GPHN: variants seen among roughly 807,000 people sequenced by gnomAD.
The protein encoded by GPHN is gephyrin.
A neutral mutation model predicts 95.5 loss-of-function variants in GPHN; 17 were observed. The observed-to-expected ratio is 0.18, with a 90% CI of 0.12 to 0.27. The LOEUF (loss-of-function observed/expected upper bound fraction) is 0.27, where lower values mean the gene tolerates loss of function less well. Among genes scored for constraint, GPHN ranks in the 10% least tolerant of loss-of-function variants. The probability of loss-of-function intolerance (pLI) is 1.00; values close to 1 mark genes in which losing one functional copy is unlikely to be tolerated. For synonymous variants in GPHN, 320 were observed against 322.5 expected, an observed-to-expected ratio of 0.99 and a Z score of 0.08; for missense variants, 660 against 978.1, an observed-to-expected ratio of 0.67 and a Z score of 4.34.
the GPHN span, chr14:67,726,108 C>A: frequency 1.9e-6 from 3 of 1,614,022 alleles, no homozygotes; most frequent in Non-Finnish European, 1.7e-6. Context: ...TGTCCATATT[C>A]CAAGACAGCT....
intron 10 of GPHN, among the ~76,000 whole-genome samples, chr14:67,052,108 T>C (rs1052082894): frequency 6.6e-6 from 1 of 152,072 alleles, no homozygotes; most frequent in Non-Finnish European, 1.5e-5. Context: ...TTCACAAATA[T>C]ATTAACCTTA....
chr14:66,980,164 G>C (rs1046785941), intron 9 of GPHN, among the ~76,000 whole-genome samples: 1 of 152,178 alleles, frequency 6.6e-6, no homozygotes, highest in Admixed American at 6.5e-5. Context: ...GAGACAGGAA[G>C]TGAGCACTTG....
chr14:67,619,663 T>C, the GPHN span: 1 of 248,398 alleles, frequency 4.0e-6, no homozygotes, highest in Non-Finnish European at 7.8e-6. Context: ...GTCACCGCGC[T>C]CTTACTGGCC....
chr14:67,247,420 A>G, the GPHN span, among the ~76,000 whole-genome samples: 1 of 151,580 alleles, frequency 6.6e-6, no homozygotes, highest in African/African-American at 2.4e-5. Flanking sequence ...TATTTTAGTA[A>G]TTTTTTTTGG....
intron 4 of GPHN, among the ~76,000 whole-genome samples, chr14:66,838,263 A>G (rs1011493601): frequency 3.9e-5 from 6 of 152,126 alleles, no homozygotes; most frequent in Non-Finnish European, 5.9e-5. Context: ...TAAAAACAAT[A>G]TTTCCTTGCT....
chr14:67,653,620 A>C, the GPHN span: 3 of 787,668 alleles, frequency 3.8e-6, no homozygotes, highest in Non-Finnish European at 6.1e-6. Flanking sequence ...AAATCAAGCC[A>C]ATTTAAATGA....
chr14:66,707,683 A>G (rs141110110), intron 2 of GPHN, among the ~76,000 whole-genome samples: 145 of 151,942 alleles, frequency 9.5e-4, no homozygotes, highest in African/African-American at 3.3e-3. Context: ...CAGCGAGGTT[A>G]GGGAACTTAA....
Position 66,935,505 on chromosome 14 carries a change from T to A in GPHN, c.828+11213T>A, listed in dbSNP as rs200422484. ...TATATATATGTATATGTGTGTGTTT[T>A]TATATATATATAAAACAAACATGCT... On this transcript the variant is annotated intron_variant, in intron 8 of 22. Coordinates refer to ENST00000478722, the MANE Select transcript of GPHN (RefSeq NM_020806.5). Among the ~76,000 whole-genome samples, 16 of 150,092 alleles carry A rather than the reference T, an allele frequency of 1.1e-4. No individual in the cohort carries two copies. The South Asian group carries it at 1.5e-3, about 14-fold the overall frequency.
chr14:67,187,313 C>T, the GPHN span, among the ~76,000 whole-genome samples: 1 of 152,184 alleles, frequency 6.6e-6, no homozygotes, highest in South Asian at 2.1e-4. Context: ...TACACTTGTT[C>T]CTCTGCCTGT....
intron 4 of GPHN, among the ~76,000 whole-genome samples, chr14:66,831,276 C>G (rs2061567288): frequency 6.6e-6 from 1 of 151,906 alleles, no homozygotes. Context: ...AAATAAAATA[C>G]CTGTTATACA....
chr14:66,921,605 G>A (rs2066221326), intron 6 of GPHN, among the ~76,000 whole-genome samples: 2 of 152,044 alleles, frequency 1.3e-5, no homozygotes, highest in Non-Finnish European at 2.9e-5. Context: ...CGGATTAGTA[G>A]AATCAATAAT....
At chr14:66,763,789 G>C (rs566963263) in intron 2 of GPHN, among the ~76,000 whole-genome samples, 1 of 152,054 alleles carries the variant, frequency 6.6e-6, no homozygotes, top group Admixed American at 6.6e-5. Flanking sequence ...GGACGTGAGC[G>C]GCAGACGTGA....
Position 67,074,652 on chromosome 14 carries a change from A to G in GPHN, c.1145-14331A>G, listed in dbSNP as rs151032599. On this transcript the variant is annotated intron_variant, in intron 11 of 22. Transcript: ENST00000478722. ...TAAGCTTAGTGAGGAAGGCATGTCA[A>G]AAGCCAAGAGAGCCAGAAACCTAGG... Among the ~76,000 whole-genome samples, 90 of 152,318 alleles carry G rather than the reference A, an allele frequency of 5.9e-4. 1 individual carries two copies. The East Asian group carries it at 0.015, about 26-fold the overall frequency.
the GPHN span, among the ~76,000 whole-genome samples, chr14:67,240,593 G>A: frequency 6.6e-6 from 1 of 152,204 alleles, no homozygotes; most frequent in Non-Finnish European, 1.5e-5. Flanking sequence ...ACCATCCGAG[G>A]GCTTTTATTG....
chr14:66,859,850 A>G (rs921777681), intron 4 of GPHN, among the ~76,000 whole-genome samples: 1 of 152,234 alleles, frequency 6.6e-6, no homozygotes, highest in African/African-American at 2.4e-5. Context: ...AGAATGCATC[A>G]GTCTCTTAAT....
At chr14:66,578,535 TAAGACA>T (rs2060999768) in intron 1 of GPHN, among the ~76,000 whole-genome samples, 2 of 150,088 alleles carry the variant, frequency 1.3e-5, no homozygotes, top group South Asian at 4.2e-4. Context: ...TCAGAAGCGT[TAAGACA>T]AAGAGAGGAT....
At chr14:67,384,215 T>G in the GPHN span, 14 of 152,322 alleles carry the variant, frequency 9.2e-5, no homozygotes, top group Admixed American at 7.2e-4. Flanking sequence ...TGGTAAAGTA[T>G]GTTTTTAAAT....
the GPHN span, chr14:67,279,362 G>A: frequency 1.9e-6 from 3 of 1,613,872 alleles, no homozygotes; most frequent in East Asian, 2.2e-5. Flanking sequence ...AACAACAGGA[G>A]GACATGAGGC....
At chr14:67,326,938 G>T in the GPHN span, among the ~76,000 whole-genome samples, 1 of 152,320 alleles carries the variant, frequency 6.6e-6, no homozygotes, top group East Asian at 1.9e-4. Flanking sequence ...ACTTTGGGAG[G>T]CCGAGGCGGG....
Sources: allele counts gnomAD v4.1 joint callset (sites outside exome capture counted in the v4.1 genomes callset), GRCh38; gene constraint gnomAD v4.1.1; transcripts MANE v1.5; gene names NCBI Gene and HGNC (gene_info 2026-07-23, HGNC 2026-07-21).